The following CCSER1 variants were observed in gnomAD, a reference collection of about 807,000 sequenced individuals.
CCSER1 encodes the protein coiled-coil serine rich protein 1, also known as serine-rich coiled-coil domain-containing protein 1.
A neutral mutation model predicts 82.0 loss-of-function variants in CCSER1; 41 were observed. That is an observed-to-expected ratio of 0.50 (90% confidence interval 0.39 to 0.65). CCSER1 has a LOEUF of 0.65. Among genes scored for constraint, CCSER1 ranks in the 30% least tolerant of loss-of-function variants. The pLI is 0.00. For synonymous variants in CCSER1, 414 were observed against 383.9 expected (o/e 1.08, Z -0.92); for missense variants, 1,119 against 1,064.2 (o/e 1.05, Z -0.72).
In CCSER1 at chr4:91,167,844, G is replaced by A. The variant is rs926816910; in HGVS notation, c.2217+81850G>A. Among the ~76,000 whole-genome samples the A allele has an allele frequency of 2.0e-4, 31 of 152,180 alleles. No homozygotes were observed. The East Asian group carries it at 2.5e-3, about 12-fold the overall frequency. On this transcript the variant is annotated intron_variant, in intron 10 of 10. Coordinates refer to ENST00000509176, the MANE Select transcript of CCSER1 (RefSeq NM_001145065.2). ...ATATAACCTAACAAATAAATAATACGCTTTTACAAACAAATTATGGCTGCT... is the reference window on the plus strand; with the variant it reads ...ATATAACCTAACAAATAAATAATACACTTTTACAAACAAATTATGGCTGCT...
At chr4:90,385,721 G>A (rs1213699387) in intron 3 of CCSER1, among the ~76,000 whole-genome samples, 1 of 151,578 alleles carries the variant, frequency 6.6e-6, no homozygotes, top group Non-Finnish European at 1.5e-5. Context: ...GTTTTAATTT[G>A]CATTTCCCTG....
At chr4:90,372,869 A>G (rs961893140) in intron 3 of CCSER1, among the ~76,000 whole-genome samples, 4 of 151,918 alleles carry the variant, frequency 2.6e-5, no homozygotes, top group Non-Finnish European at 5.9e-5. Flanking sequence ...TTTTTTTCAG[A>G]AGAGAAATGA....
intron 5 of CCSER1, among the ~76,000 whole-genome samples, chr4:90,487,863 A>C (rs1767354576): frequency 6.6e-6 from 1 of 152,122 alleles, no homozygotes; most frequent in Non-Finnish European, 1.5e-5. Context: ...GCTGTTCTCC[A>C]TCTCTTGACC....
At chr4:90,139,512 A>G (rs1724331830) in intron 1 of CCSER1, among the ~76,000 whole-genome samples, 1 of 152,060 alleles carries the variant, frequency 6.6e-6, no homozygotes, top group South Asian at 2.1e-4. Context: ...ATTTTATTTT[A>G]TTCTATTTTT....
intron 5 of CCSER1, among the ~76,000 whole-genome samples, chr4:90,626,117 C>T (rs558341845): frequency 2.6e-5 from 4 of 152,158 alleles, no homozygotes; most frequent in East Asian, 3.9e-4. Context: ...ACAGGAGCCC[C>T]GCAATTCATA....
At chr4:90,209,236 A>T (rs1439461562) in intron 1 of CCSER1, among the ~76,000 whole-genome samples, 2 of 152,132 alleles carry the variant, frequency 1.3e-5, no homozygotes, top group Non-Finnish European at 2.9e-5. Context: ...AAATCAGTAG[A>T]CACTAAGTGT....
At chr4:90,905,764 C>T (rs1725378296) in intron 8 of CCSER1, among the ~76,000 whole-genome samples, 1 of 152,126 alleles carries the variant, frequency 6.6e-6, no homozygotes, top group African/African-American at 2.4e-5. Flanking sequence ...CACTCCTTTG[C>T]TCGGGGCCTG....
chr4:90,915,219 G>C (rs10046709), intron 8 of CCSER1, among the ~76,000 whole-genome samples: 1 of 152,064 alleles, frequency 6.6e-6, no homozygotes, highest in African/African-American at 2.4e-5. Flanking sequence ...CAGAAAAAGA[G>C]AATATTAGAC....
At chr4:91,166,388 C>T (rs1483221019) in intron 10 of CCSER1, among the ~76,000 whole-genome samples, 1 of 152,162 alleles carries the variant, frequency 6.6e-6, no homozygotes, top group East Asian at 1.9e-4. Flanking sequence ...AATAGATGTG[C>T]TCTTTCCCAT....
chr4:90,407,403 C>T (rs192567080), intron 4 of CCSER1, among the ~76,000 whole-genome samples: 2 of 152,170 alleles, frequency 1.3e-5, no homozygotes, highest in Non-Finnish European at 2.9e-5. Context: ...GATGGATTCA[C>T]AACTGAATTC....
intron 1 of CCSER1, among the ~76,000 whole-genome samples, chr4:90,231,341 C>T (rs1444289949): frequency 8.6e-5 from 13 of 151,898 alleles, no homozygotes; most frequent in African/African-American, 3.1e-4. Context: ...AAATGTAATC[C>T]AGCATATAAA....
Position 91,398,093 on chromosome 4 carries a change from C to G in CCSER1, c.2218-200479C>G, listed in dbSNP as rs377021277. ...TTAAAACTTTTTGGGTCTCATACTC[C>G]TCATCTGTAAAATCATGATTATAAT... On this transcript the variant is annotated intron_variant, in intron 10 of 10. Coordinates refer to ENST00000509176, the MANE Select transcript of CCSER1 (RefSeq NM_001145065.2). Among the ~76,000 whole-genome samples, 58 of 151,936 alleles carry G rather than the reference C, an allele frequency of 3.8e-4. 2 individuals carry two copies. In the South Asian group the frequency reaches 0.011, roughly 28 times the overall value.
intron 10 of CCSER1, among the ~76,000 whole-genome samples, chr4:91,428,507 G>C (rs1578427752): frequency 1.3e-5 from 2 of 152,130 alleles, no homozygotes; most frequent in East Asian, 3.9e-4. Flanking sequence ...ATAAGACTAT[G>C]ATCTTCAGAG....
intron 10 of CCSER1, among the ~76,000 whole-genome samples, chr4:91,448,152 A>G (rs1755672866): frequency 6.6e-6 from 1 of 152,064 alleles, no homozygotes; most frequent in Admixed American, 6.6e-5. Flanking sequence ...ATTTTGTATT[A>G]ATGCTCTACC....
rs146287772 is a variant in CCSER1 at position 90,706,916 on chromosome 4, A to G, written c.1933-16998A>G. Among the ~76,000 whole-genome samples the G allele has an allele frequency of 9.5e-4, 145 of 152,326 alleles. 1 individual carries two copies. In the East Asian group the frequency reaches 0.011, roughly 11 times the overall value. On this transcript the variant is annotated intron_variant, in intron 6 of 10. Transcript: ENST00000509176. ...ATGACTTCCAAGTAGCATAAGCTCAATAGTGGATTTTTAAAAGCCATACCC... is the reference window on the plus strand; with the variant it reads ...ATGACTTCCAAGTAGCATAAGCTCAGTAGTGGATTTTTAAAAGCCATACCC...
intron 10 of CCSER1, among the ~76,000 whole-genome samples, chr4:91,382,159 T>G (rs1191281935): frequency 6.6e-6 from 1 of 152,154 alleles, no homozygotes; most frequent in African/African-American, 2.4e-5. Context: ...GGTGTCAGTC[T>G]GCCTCTACTG....
At chr4:90,748,845 G>A (rs1173833945) in intron 7 of CCSER1, among the ~76,000 whole-genome samples, 1 of 149,904 alleles carries the variant, frequency 6.7e-6, no homozygotes. Flanking sequence ...CTTTTGAGAA[G>A]TGTCTGTTCA....
intron 10 of CCSER1, among the ~76,000 whole-genome samples, chr4:91,468,866 T>G (rs915665512): frequency 2.6e-5 from 4 of 152,108 alleles, no homozygotes; most frequent in Admixed American, 6.6e-5. Flanking sequence ...AGCCATTGAC[T>G]CATGTCTCAT....
chr4:91,451,432 T>G (rs2149419795), intron 10 of CCSER1, among the ~76,000 whole-genome samples: 1 of 152,082 alleles, frequency 6.6e-6, no homozygotes, highest in African/African-American at 2.4e-5. Context: ...GAAAAATATT[T>G]AAAGGATTAC....
Sources: allele counts gnomAD v4.1 joint callset (sites outside exome capture counted in the v4.1 genomes callset), GRCh38; gene constraint gnomAD v4.1.1; transcripts MANE v1.5; gene names NCBI Gene and HGNC (gene_info 2026-07-23, HGNC 2026-07-21).